Variants in ARNT2 observed in about 807,000 individuals in gnomAD.
ARNT2 encodes ARNT protein 2.
ARNT2 carries 36 observed loss-of-function variants against 91.7 expected under a neutral mutation model. The observed-to-expected ratio is 0.39, with a 90% confidence interval of 0.30 to 0.52. ARNT2 has a LOEUF of 0.52. Among genes scored for constraint, ARNT2 ranks in the 20% least tolerant of loss-of-function variants. ARNT2 has a pLI of 0.72. For missense variants in ARNT2, 775 were observed against 939.3 expected (o/e 0.83, Z 2.29); for synonymous variants, 365 against 347.1 (o/e 1.05, Z -0.57).
intron 3 of ARNT2, among the ~76,000 whole-genome samples, chr15:80,464,325 T>TCG (rs1896616524): frequency 1.4e-5 from 2 of 139,516 alleles, no homozygotes; most frequent in Non-Finnish European, 3.2e-5. Flanking sequence ...GGGCTGGGGG[T>TCG]GGGGGGTTGC....
chr15:80,411,780 T>A (rs1363695548), intron 1 of ARNT2, among the ~76,000 whole-genome samples: 5 of 151,990 alleles, frequency 3.3e-5, no homozygotes, highest in Admixed American at 3.3e-4. Flanking sequence ...GAGGAGGTCC[T>A]ACACCTACCT....
At chr15:80,548,840 T>C (rs1157293713) in intron 8 of ARNT2, among the ~76,000 whole-genome samples, 1 of 152,118 alleles carries the variant, frequency 6.6e-6, no homozygotes, top group Non-Finnish European at 1.5e-5. Context: ...CTCCTGAAGT[T>C]AATTTACAAA....
intron 8 of ARNT2, among the ~76,000 whole-genome samples, chr15:80,543,118 A>G (rs918425978): frequency 2.2e-5 from 3 of 134,392 alleles, no homozygotes; most frequent in Admixed American, 1.4e-4. Flanking sequence ...AAAAAAAAAA[A>G]AAAGAAAAGT....
intron 1 of ARNT2, among the ~76,000 whole-genome samples, chr15:80,417,984 T>C (rs890752738): frequency 7.9e-5 from 12 of 152,134 alleles, no homozygotes; most frequent in Non-Finnish European, 1.8e-4. Flanking sequence ...ACTCATCTCA[T>C]TTGATTGTGG....
chr15:80,548,930 A>G (rs917065325), intron 8 of ARNT2, among the ~76,000 whole-genome samples: 2 of 152,134 alleles, frequency 1.3e-5, no homozygotes, highest in African/African-American at 4.8e-5. Flanking sequence ...TTCCTGTGGA[A>G]AAACATACCT....
chr15:80,526,460 A>C (rs1025468538), intron 8 of ARNT2, among the ~76,000 whole-genome samples: 19 of 152,322 alleles, frequency 1.2e-4, no homozygotes, highest in African/African-American at 4.3e-4. Context: ...TCTTTTCTAC[A>C]ACAAATCTTC....
In ARNT2 at chr15:80,567,978, G is replaced by A. The variant is rs561672558; in HGVS notation, c.1316+4739G>A. 1.2e-4 allele frequency among the ~76,000 whole-genome samples: 18 copies of A among 152,340 alleles called. 1 individual carries two copies. In the South Asian group the frequency reaches 3.7e-3, roughly 32 times the overall value. ...ATGCTCTGTGCTGAGGGGAGGGGATGGCGAGGGTGGAGTGTGGGCAATTTG... is the reference window on the plus strand; with the variant it reads ...ATGCTCTGTGCTGAGGGGAGGGGATAGCGAGGGTGGAGTGTGGGCAATTTG... On this transcript the variant is annotated intron_variant, in intron 12 of 18. Coordinates refer to ENST00000303329, the MANE Select transcript of ARNT2 (RefSeq NM_014862.4).
chr15:80,580,642 G>A, intron 16 of ARNT2, 93 bp downstream of exon 16: 6 of 1,540,462 alleles, frequency 3.9e-6, no homozygotes, highest in Non-Finnish European at 5.3e-6. Context: ...CTGAGGATGG[G>A]TCGGCTCCTA....
intron 1 of ARNT2, among the ~76,000 whole-genome samples, chr15:80,410,480 A>G (rs1286712693): frequency 2.6e-5 from 4 of 152,138 alleles, no homozygotes; most frequent in Non-Finnish European, 4.4e-5. Flanking sequence ...AAGCAAGTGG[A>G]ACTGTCATGG....
intron 3 of ARNT2, among the ~76,000 whole-genome samples, chr15:80,463,745 ATTT>A (rs1169225686): frequency 1.3e-5 from 2 of 151,754 alleles, no homozygotes; most frequent in African/African-American, 2.4e-5. Flanking sequence ...CGCCCGGCTA[ATTT>A]TTTGTATTTT....
Position 80,585,338 on chromosome 15 carries a change from G to T in ARNT2, c.1918+3934G>T, listed in dbSNP as rs539263195. ...AGTAAGTGGGGAAAGTGTTGTGCCT[G>T]TAGGGCCCAGTCAGGAGACAGAAAC... is the stretch of plus-strand genomic sequence containing the variant. On this transcript the variant is annotated intron_variant, in intron 17 of 18. Coordinates refer to ENST00000303329, the MANE Select transcript of ARNT2 (RefSeq NM_014862.4). Among the ~76,000 whole-genome samples the T allele has an allele frequency of 6.9e-4, 105 of 152,302 alleles. 1 individual carries two copies. The highest frequency in any genetic ancestry group is 2.5e-3 in the African/African-American group (102 of 41,582).
chr15:80,428,925 A>G (rs1243339115), intron 1 of ARNT2, among the ~76,000 whole-genome samples: 1 of 152,166 alleles, frequency 6.6e-6, no homozygotes, highest in Non-Finnish European at 1.5e-5. Context: ...TGGAAAAGAT[A>G]TACGATCGAT....
chr15:80,492,726 G>A (rs557884936), intron 5 of ARNT2, among the ~76,000 whole-genome samples: 11 of 151,972 alleles, frequency 7.2e-5, no homozygotes, highest in South Asian at 6.3e-4. Context: ...GTGTGACCTC[G>A]GAGAATTTCC....
chr15:80,561,669 C>G (rs1898355310), intron 11 of ARNT2, among the ~76,000 whole-genome samples: 1 of 152,168 alleles, frequency 6.6e-6, no homozygotes, highest in South Asian at 2.1e-4. Flanking sequence ...ATGATGAAAT[C>G]TTGTGCCTTC....
intron 5 of ARNT2, among the ~76,000 whole-genome samples, chr15:80,493,159 A>G (rs1263967581): frequency 6.6e-6 from 1 of 152,194 alleles, no homozygotes; most frequent in African/African-American, 2.4e-5. Flanking sequence ...GGAAAGCAAG[A>G]AGGGCCAAGC....
At chr15:80,448,490 A>T (rs1896338005) in intron 1 of ARNT2, among the ~76,000 whole-genome samples, 1 of 152,238 alleles carries the variant, frequency 6.6e-6, no homozygotes, top group Non-Finnish European at 1.5e-5. Context: ...TTGCCCCACC[A>T]GCCAAGGTTT....
intron 6 of ARNT2, among the ~76,000 whole-genome samples, chr15:80,509,232 A>G (rs1376119816): frequency 1.3e-5 from 2 of 152,148 alleles, no homozygotes; most frequent in African/African-American, 2.4e-5. Flanking sequence ...ACCTGAGGTC[A>G]GGGGTTTGAG....
At position 80,543,091 on chromosome 15, in the gene ARNT2, G is replaced by A. The variant is rs1254390503; in HGVS notation, c.878-8108G>A. On this transcript the variant is annotated intron_variant, in intron 8 of 18. Coordinates refer to ENST00000303329, the MANE Select transcript of ARNT2 (RefSeq NM_014862.4). ...CAGCCTGGATAACAGAGCCAGACCC[G>A]GTCAAAAAAAAAAAAAAAAAAAAAA... Among the ~76,000 whole-genome samples, 558 of 112,938 alleles carry A rather than the reference G, an allele frequency of 4.9e-3. 4 individuals are homozygous for A. The highest frequency in any genetic ancestry group is 6.0e-3 in the Non-Finnish European group (349 of 57,708). 74.1% of individuals were successfully genotyped at this position (112,938 alleles called of 152,430 possible).
intron 12 of ARNT2, among the ~76,000 whole-genome samples, chr15:80,570,794 G>T (rs1228028006): frequency 2.0e-5 from 3 of 152,212 alleles, no homozygotes; most frequent in Non-Finnish European, 4.4e-5. Context: ...TCAGTTCCAT[G>T]AGGGCAGGGA....
Sources: gnomAD v4.1 joint callset for allele counts (sites outside exome capture counted in the v4.1 genomes callset) on GRCh38, gnomAD v4.1.1 for gene constraint, MANE v1.5 for transcripts, NCBI Gene and HGNC (gene_info 2026-07-23, HGNC 2026-07-21) for gene names.